The following LMO7 variants were observed in gnomAD, a reference collection of about 807,000 sequenced individuals.
LMO7 encodes LIM domain only protein 7.
In LMO7, 120 loss-of-function variants were observed where a neutral mutation model predicts 206.5. The ratio of observed to expected loss-of-function variants is 0.58; its 90% CI spans 0.50 to 0.68. The LOEUF is 0.68. LMO7 is among the 30% of genes least tolerant of loss of function. The pLI is 0.00. For missense variants in LMO7, 1,959 were observed against 1,957.9 expected, an observed-to-expected ratio of 1.00 and a Z score of -0.01; for synonymous variants, 706 against 681.5, an observed-to-expected ratio of 1.04 and a Z score of -0.56.
At chr13:75,623,607 C>T (rs1029604587) in intron 2 of LMO7, among the ~76,000 whole-genome samples, 3 of 151,906 alleles carry the variant, frequency 2.0e-5, no homozygotes, top group African/African-American at 7.3e-5. Flanking sequence ...AAGTTATCCA[C>T]CCACTTCAGC....
intron 1 of LMO7, among the ~76,000 whole-genome samples, chr13:75,663,729 C>T (rs9600518): frequency 0.23 from 34,968 of 151,892 alleles, 4,478 homozygotes; most frequent in Admixed American, 0.36. Flanking sequence ...TGCGCCTGGC[C>T]GTCAGTGAAT....
chr13:75,727,232 T>C, intron 3 of LMO7, 134 bp downstream of exon 3: 2 of 532,292 alleles, frequency 3.8e-6, no homozygotes, highest in Non-Finnish European at 6.7e-6. Flanking sequence ...AAAGTGTGTT[T>C]GGTGATGTCC....
chr13:75,698,428 T>A (rs1462969544), intron 1 of LMO7, among the ~76,000 whole-genome samples: 1 of 152,104 alleles, frequency 6.6e-6, no homozygotes, highest in Admixed American at 6.5e-5. Context: ...TAGTTGGGAC[T>A]ACAGACATGT....
chr13:75,691,659 G>GT (rs2041486409), intron 1 of LMO7, among the ~76,000 whole-genome samples: 4 of 152,168 alleles, frequency 2.6e-5, no homozygotes, highest in African/African-American at 9.7e-5. Context: ...GGAGTCTGAT[G>GT]TTTCCTCTGT....
At chr13:75,699,459 A>T (rs1173218498) in intron 1 of LMO7, among the ~76,000 whole-genome samples, 1 of 149,944 alleles carries the variant, frequency 6.7e-6, no homozygotes, top group Non-Finnish European at 1.5e-5. Context: ...CAATATTTCA[A>T]TGTAGGTTAT....
chr13:75,813,917 C>A (rs1336408414), intron 11 of LMO7, among the ~76,000 whole-genome samples: 1 of 152,044 alleles, frequency 6.6e-6, no homozygotes, highest in Non-Finnish European at 1.5e-5. Context: ...TGTCTAGATA[C>A]CCCTCATACC....
intron 2 of LMO7, among the ~76,000 whole-genome samples, chr13:75,625,452 T>C (rs2033919608): frequency 6.9e-6 from 1 of 144,448 alleles, no homozygotes; most frequent in African/African-American, 2.5e-5. Flanking sequence ...TGTGTGTGTG[T>C]GTGCATGTGC....
chr13:75,793,077 A>G (rs2053527735), intron 4 of LMO7, among the ~76,000 whole-genome samples: 1 of 152,028 alleles, frequency 6.6e-6, no homozygotes, highest in Non-Finnish European at 1.5e-5. Flanking sequence ...TCAAAGTGGG[A>G]GGATGTTCAG....
At chr13:75,847,670 T>C (rs931326764) in intron 26 of LMO7, among the ~76,000 whole-genome samples, 1 of 152,230 alleles carries the variant, frequency 6.6e-6, no homozygotes, top group Non-Finnish European at 1.5e-5. Context: ...GAGCATGTTC[T>C]TGATTGATTT....
chr13:75,644,307 A>T (rs2036825323), intron 1 of LMO7, among the ~76,000 whole-genome samples: 1 of 152,224 alleles, frequency 6.6e-6, no homozygotes, highest in South Asian at 2.1e-4. Context: ...GGTGAGAGGT[A>T]AAATAATTTA....
intron 4 of LMO7, among the ~76,000 whole-genome samples, chr13:75,790,723 G>A (rs1282158098): frequency 6.6e-6 from 1 of 152,054 alleles, no homozygotes; most frequent in East Asian, 1.9e-4. Context: ...TGAGAGCTTG[G>A]GGCTCCCTTG....
intron 1 of LMO7, among the ~76,000 whole-genome samples, chr13:75,699,769 T>G (rs558315963): frequency 1.3e-5 from 2 of 152,346 alleles, no homozygotes; most frequent in Admixed American, 1.3e-4. Context: ...GTGCACCCAT[T>G]GTCATTGATA....
intron 4 of LMO7, among the ~76,000 whole-genome samples, chr13:75,773,666 AGGTAGCT>A (rs2050027886): frequency 6.6e-6 from 1 of 152,188 alleles, no homozygotes; most frequent in Admixed American, 6.5e-5. Flanking sequence ...GAAACAGAAA[AGGTAGCT>A]GATTTGGAGG....
At chr13:75,686,161 G>A (rs146157641) in intron 1 of LMO7, among the ~76,000 whole-genome samples, 1 of 152,152 alleles carries the variant, frequency 6.6e-6, no homozygotes, top group Non-Finnish European at 1.5e-5. Context: ...TTACAGGGGT[G>A]TATTAGTCCA....
At chr13:75,752,475 A>C (rs1052704730) in intron 3 of LMO7, among the ~76,000 whole-genome samples, 2 of 152,104 alleles carry the variant, frequency 1.3e-5, no homozygotes, top group African/African-American at 4.8e-5. Flanking sequence ...GCACAAGTAC[A>C]ATTTTCCTAC....
At chr13:75,748,806 TCTTTC>T (rs1339492405) in intron 3 of LMO7, among the ~76,000 whole-genome samples, 62 of 134,562 alleles carry the variant, frequency 4.6e-4, no homozygotes, top group African/African-American at 1.5e-3. Context: ...TTTCTTTCTT[TCTTTC>T]TTTCTTTTTT....
At chr13:75,793,251 C>G (rs1015637004) in intron 4 of LMO7, among the ~76,000 whole-genome samples, 8 of 152,156 alleles carry the variant, frequency 5.3e-5, no homozygotes, top group African/African-American at 1.9e-4. Flanking sequence ...CTTACCACTT[C>G]TAAGTTAAAG....
At chr13:75,783,931 AC>A (rs1361635074) in intron 4 of LMO7, among the ~76,000 whole-genome samples, 2 of 151,004 alleles carry the variant, frequency 1.3e-5, no homozygotes, top group African/African-American at 4.9e-5. Context: ...CTAATTTTAG[AC>A]CCCTGGGAAC....
intron 1 of LMO7, among the ~76,000 whole-genome samples, chr13:75,652,403 A>C (rs1266892547): frequency 6.6e-6 from 1 of 152,146 alleles, no homozygotes; most frequent in East Asian, 1.9e-4. Flanking sequence ...GCAGGTCTTG[A>C]AGTTTAAACT....
Sources: gnomAD v4.1 joint callset for allele counts (sites outside exome capture counted in the v4.1 genomes callset) on GRCh38, gnomAD v4.1.1 for gene constraint, MANE v1.5 for transcripts, NCBI Gene and HGNC (gene_info 2026-07-23, HGNC 2026-07-21) for gene names.